KCND2: variants seen among roughly 807,000 people sequenced by gnomAD.
KCND2 encodes A-type voltage-gated potassium channel KCND2.
A neutral mutation model predicts 54.4 loss-of-function variants in KCND2; 16 were observed. The observed-to-expected ratio is 0.29, with a 90% CI of 0.20 to 0.45. KCND2 has a LOEUF of 0.45. Among genes scored for constraint, KCND2 ranks in the 20% least tolerant of loss-of-function variants. KCND2 has a pLI of 1.00. For missense variants in KCND2, 486 were observed against 824.2 expected (o/e 0.59, Z 5.02); for synonymous variants, 317 against 310.7 (o/e 1.02, Z -0.21).
At chr7:120,626,041 A>G (rs1276114250) in intron 1 of KCND2, among the ~76,000 whole-genome samples, 1 of 152,094 alleles carries the variant, frequency 6.6e-6, no homozygotes, top group Non-Finnish European at 1.5e-5. Context: ...CAATTATTCT[A>G]AGAACATTTA....
intron 1 of KCND2, among the ~76,000 whole-genome samples, chr7:120,630,974 C>T (rs1793226868): frequency 6.6e-6 from 1 of 152,278 alleles, no homozygotes; most frequent in Non-Finnish European, 1.5e-5. Flanking sequence ...TTAGTGATTA[C>T]ATCAGCCTTA....
intron 1 of KCND2, among the ~76,000 whole-genome samples, chr7:120,678,436 C>G (rs1792096705): frequency 7.0e-6 from 1 of 143,742 alleles, no homozygotes; most frequent in African/African-American, 2.5e-5. Flanking sequence ...TATATATACA[C>G]ATTCATATGT....
At chr7:120,527,583 C>A (rs1791791638) in intron 1 of KCND2, among the ~76,000 whole-genome samples, 1 of 151,984 alleles carries the variant, frequency 6.6e-6, no homozygotes, top group Non-Finnish European at 1.5e-5. Context: ...GTGGTCAGAT[C>A]CTGCTGCTCG....
At chr7:120,423,166 C>T (rs533774508) in intron 1 of KCND2, among the ~76,000 whole-genome samples, 1 of 152,188 alleles carries the variant, frequency 6.6e-6, no homozygotes, top group Non-Finnish European at 1.5e-5. Context: ...GGCTTGGTGT[C>T]TGACTTCTGG....
intron 1 of KCND2, among the ~76,000 whole-genome samples, chr7:120,321,182 T>C (rs902258627): frequency 6.6e-6 from 1 of 152,202 alleles, no homozygotes; most frequent in Non-Finnish European, 1.5e-5. Flanking sequence ...ACTATTTTAA[T>C]TTAGTAGGAA....
chr7:120,456,359 T>C (rs999934470), intron 1 of KCND2, among the ~76,000 whole-genome samples: 1 of 152,246 alleles, frequency 6.6e-6, no homozygotes, highest in African/African-American at 2.4e-5. Flanking sequence ...TATTGAATAA[T>C]CTGTATGGCT....
chr7:120,434,261 A>T (rs1228247131), intron 1 of KCND2, among the ~76,000 whole-genome samples: 1 of 152,210 alleles, frequency 6.6e-6, no homozygotes, highest in Non-Finnish European at 1.5e-5. Flanking sequence ...AAAACACAAG[A>T]GGCATCTATG....
chr7:120,523,686 T>TACAC (rs1224534981), intron 1 of KCND2, among the ~76,000 whole-genome samples: 6 of 132,548 alleles, frequency 4.5e-5, no homozygotes, highest in African/African-American at 1.9e-4. Flanking sequence ...TATACACAGA[T>TACAC]ATACACACAC....
chr7:120,458,842 A>C (rs1164102439), intron 1 of KCND2, among the ~76,000 whole-genome samples: 3 of 150,524 alleles, frequency 2.0e-5, no homozygotes, highest in Admixed American at 2.0e-4. Flanking sequence ...AAAAATAATA[A>C]TTATTATTAT....
intron 1 of KCND2, among the ~76,000 whole-genome samples, chr7:120,388,766 T>G (rs1801026401): frequency 6.6e-6 from 1 of 151,894 alleles, no homozygotes; most frequent in African/African-American, 2.4e-5. Context: ...ACATTTTTGT[T>G]GATAATCTCA....
At chr7:120,370,640 A>G (rs1800752708) in intron 1 of KCND2, among the ~76,000 whole-genome samples, 1 of 152,056 alleles carries the variant, frequency 6.6e-6, no homozygotes, top group South Asian at 2.1e-4. Flanking sequence ...AACATCCTGT[A>G]AAGGATTAGT....
At chr7:120,438,215 T>A (rs1199939297) in intron 1 of KCND2, among the ~76,000 whole-genome samples, 1 of 152,160 alleles carries the variant, frequency 6.6e-6, no homozygotes, top group African/African-American at 2.4e-5. Context: ...AGTGCTTAAT[T>A]TAGTACCCAG....
chr7:120,721,942 A>T (rs1792671477), intron 1 of KCND2, among the ~76,000 whole-genome samples: 2 of 152,052 alleles, frequency 1.3e-5, no homozygotes, highest in Admixed American at 6.6e-5. Context: ...AGAGCTGATG[A>T]TTTTATAAGG....
intron 1 of KCND2, among the ~76,000 whole-genome samples, chr7:120,579,270 C>A (rs904883268): frequency 1.3e-5 from 2 of 151,436 alleles, no homozygotes; most frequent in Non-Finnish European, 2.9e-5. Context: ...TATTATTATT[C>A]TTTTCTTTAT....
intron 1 of KCND2, among the ~76,000 whole-genome samples, chr7:120,450,135 G>A (rs12674267): frequency 0.067 from 10,128 of 152,166 alleles, 1,086 homozygotes; most frequent in East Asian, 0.53. Context: ...GGTTTTCACC[G>A]GGCACAGTGG....
At position 120,539,843 on chromosome 7, in the gene KCND2, G is replaced by T. The variant is rs541661535; in HGVS notation, c.1116-193060G>T. ...TCTCATGTGATTCATTAGTTCCCTA[G>T]ACTTACTCATCCAACATATCTGCTA... On this transcript the variant is annotated intron_variant, in intron 1 of 5. Transcript: ENST00000331113. Among the ~76,000 whole-genome samples, 3 of 152,084 alleles carry T rather than the reference G, an allele frequency of 2.0e-5. No individual in the cohort carries two copies. In the South Asian group the frequency reaches 6.2e-4, roughly 32 times the overall value.
chr7:120,409,843 C>T (rs959945652), intron 1 of KCND2, among the ~76,000 whole-genome samples: 3 of 151,802 alleles, frequency 2.0e-5, no homozygotes, highest in Non-Finnish European at 4.4e-5. Flanking sequence ...CTGTGGCTTG[C>T]TTTTCATCTT....
chr7:120,619,256 T>G (rs1257388565), intron 1 of KCND2, among the ~76,000 whole-genome samples: 1 of 151,958 alleles, frequency 6.6e-6, no homozygotes, highest in Non-Finnish European at 1.5e-5. Flanking sequence ...ATGGCAAAAC[T>G]CCATCTCTAC....
In KCND2 at chr7:120,275,279, T is replaced by A. The variant is rs1799157271; in HGVS notation, c.647T>A (p.Ile216Asn). ...TVPCGSSPGH[I>N]KELPCGERYA... is the part of the protein sequence containing the mutation. ...CCGTGCGGATCAAGCCCAGGTCACATTAAAGAACTGCCCTGTGGAGAGCGG... is the reference window on the plus strand; with the variant it reads ...CCGTGCGGATCAAGCCCAGGTCACAATAAAGAACTGCCCTGTGGAGAGCGG... Residue 216 changes from isoleucine to asparagine, a missense_variant, in exon 1 of 6, where the codon ATT becomes AAT. Ile to Asn is a moderately radical substitution (Grantham distance 149). Coordinates refer to ENST00000331113, the MANE Select transcript of KCND2 (RefSeq NM_012281.3). 1.2e-6 allele frequency: 2 copies of A among 1,613,886 alleles called. No homozygotes were observed. Among genetic ancestry groups the A allele is most frequent in the African/African-American group, 2.7e-5 (2 of 74,954 alleles).
Sources: allele counts gnomAD v4.1 joint callset (sites outside exome capture counted in the v4.1 genomes callset), GRCh38; gene constraint gnomAD v4.1.1; transcripts MANE v1.5; gene names NCBI Gene and HGNC (gene_info 2026-07-23, HGNC 2026-07-21).